Variants in PACSIN1 observed in about 807,000 individuals in gnomAD.
The protein encoded by PACSIN1 is protein kinase C and casein kinase substrate in neurons protein 1.
PACSIN1 carries 15 observed loss-of-function variants against 59.5 expected under a neutral mutation model. The ratio of observed to expected loss-of-function variants is 0.25; its 90% CI spans 0.17 to 0.39. PACSIN1 has a LOEUF of 0.39. Ranked by LOEUF, PACSIN1 falls within the 10% of genes least tolerant of loss-of-function variation. PACSIN1 has a pLI of 1.00. For synonymous variants in PACSIN1, 210 were observed against 220.6 expected (o/e 0.95, Z 0.42); for missense variants, 420 against 580.2 (o/e 0.72, Z 2.84).
At chr6:34,502,708 T>C (rs112386498) in intron 1 of PACSIN1, among the ~76,000 whole-genome samples, 1,952 of 152,052 alleles carry the variant, frequency 0.013, 36 homozygotes, top group African/African-American at 0.044. Flanking sequence ...CCTTGTGATC[T>C]GCCCACCTCG....
chr6:34,494,825 C>T (rs780986498), intron 1 of PACSIN1, among the ~76,000 whole-genome samples: 1 of 152,206 alleles, frequency 6.6e-6, no homozygotes, highest in East Asian at 1.9e-4. Context: ...TAGATCACTT[C>T]CCCAGCTATC....
At chr6:34,504,522 C>T (rs1005998411) in intron 1 of PACSIN1, among the ~76,000 whole-genome samples, 1 of 152,096 alleles carries the variant, frequency 6.6e-6, no homozygotes, top group Non-Finnish European at 1.5e-5. Flanking sequence ...AACTCCTGAC[C>T]TCAAGTGATC....
intron 1 of PACSIN1, among the ~76,000 whole-genome samples, chr6:34,492,051 G>A (rs188428458): frequency 2.6e-4 from 40 of 152,218 alleles, no homozygotes; most frequent in African/African-American, 9.2e-4. Flanking sequence ...ATGGGATTGC[G>A]GGTCAAATGG....
intron 1 of PACSIN1, among the ~76,000 whole-genome samples, chr6:34,491,536 G>A (rs1766876684): frequency 6.6e-6 from 1 of 152,124 alleles, no homozygotes; most frequent in Admixed American, 6.6e-5. Context: ...GGTCGCTGCT[G>A]GGAAGTGCCC....
chr6:34,526,774 G>A (rs1056946431), intron 2 of PACSIN1, among the ~76,000 whole-genome samples: 1 of 152,284 alleles, frequency 6.6e-6, no homozygotes, highest in South Asian at 2.1e-4. Flanking sequence ...CCACGGGGCC[G>A]CAGAGCGGGA....
At position 34,518,358 on chromosome 6, in the gene PACSIN1, C is replaced by G. The variant is rs934321462; in HGVS notation, c.-63-7885C>G. 4.6e-5 allele frequency among the ~76,000 whole-genome samples: 7 copies of G among 152,292 alleles called. No homozygotes were observed. The highest frequency in any genetic ancestry group is 1.4e-4 in the African/African-American group (6 of 41,568). ...TGGGCTCAGGACAGACAGACGGACC[C>G]CTGCAGAGTGGCCAAGTGTGTGCTG... is the stretch of plus-strand genomic sequence containing the variant. On this transcript the variant is annotated intron_variant, in intron 1 of 9. Transcript: ENST00000244458. The surrounding 1 kb of genome is among the most constrained non-coding windows in gnomAD (Gnocchi z 4.4).
Position 34,480,227 on chromosome 6 carries a change from C to CTT in PACSIN1, c.-64+13971_-64+13972dup, listed in dbSNP as rs67633521. The stretch of plus-strand genomic sequence containing the variant: ...TTCATTTTCTTTTCCTTCTTTCTTT[C>CTT]TTTTTTTTTTTTTTTGAGAAAGGAT... On this transcript the variant is annotated intron_variant, in intron 1 of 9. Transcript: ENST00000244458. Among the ~76,000 whole-genome samples, 379 of 133,600 alleles carry CTT rather than the reference C, an allele frequency of 2.8e-3. 3 individuals carry two copies. Among genetic ancestry groups the CTT allele is most frequent in the African/African-American group, 6.0e-3 (218 of 36,110 alleles). The allele number at this position is 133,600 out of a possible 152,430, so 87.6% of individuals were successfully genotyped here.
intron 1 of PACSIN1, among the ~76,000 whole-genome samples, chr6:34,513,633 C>T (rs2127265249): frequency 6.6e-6 from 1 of 152,122 alleles, no homozygotes; most frequent in South Asian, 2.1e-4. Flanking sequence ...GTCATAACTC[C>T]AAGTACCGAT....
At chr6:34,479,304 C>T (rs1766683175) in intron 1 of PACSIN1, among the ~76,000 whole-genome samples, 1 of 152,168 alleles carries the variant, frequency 6.6e-6, no homozygotes, top group Admixed American at 6.5e-5. Context: ...GACCTTTCCC[C>T]ATCACAAGCC....
chr6:34,466,305 G>A (rs567200991), intron 1 of PACSIN1, 35 bp downstream of exon 1: 139 of 152,514 alleles, frequency 9.1e-4, no homozygotes, highest in African/African-American at 3.2e-3. Flanking sequence ...AGGGCGGGGG[G>A]GTTGTGTGTG....
intron 1 of PACSIN1, among the ~76,000 whole-genome samples, chr6:34,479,297 C>A (rs532025255): frequency 6.6e-6 from 1 of 152,278 alleles, no homozygotes; most frequent in Non-Finnish European, 1.5e-5. Context: ...CCCCTCAGAC[C>A]TTTCCCCATC....
intron 1 of PACSIN1, among the ~76,000 whole-genome samples, chr6:34,519,469 G>T (rs1767350439): frequency 6.6e-6 from 1 of 152,188 alleles, no homozygotes; most frequent in South Asian, 2.1e-4. Context: ...CCAGGCCTGA[G>T]ATCTTCCTTT....
rs1327570270 is a variant in PACSIN1, at chr6:34,516,269, C to T, written c.-63-9974C>T. Among the ~76,000 whole-genome samples, 1 of 152,142 alleles carries T rather than the reference C, an allele frequency of 6.6e-6. No individual in the cohort carries two copies. Among genetic ancestry groups the T allele is most frequent in the Non-Finnish European group, 1.5e-5 (1 of 68,002 alleles). On this transcript the variant is annotated intron_variant, in intron 1 of 9. Coordinates refer to ENST00000244458, the MANE Select transcript of PACSIN1 (RefSeq NM_020804.5). The surrounding 1 kb of genome is among the most constrained non-coding windows in gnomAD (Gnocchi z 5.4). ...CACATGATGGGTAGGGGCATACACGCTGAGAAGCTGGCGTGGCTCTGCTCA... is the reference window on the plus strand; with the variant it reads ...CACATGATGGGTAGGGGCATACACGTTGAGAAGCTGGCGTGGCTCTGCTCA...
In PACSIN1 at chr6:34,532,033, G is replaced by T. The variant is rs531730873; in HGVS notation, c.1225+246G>T. Among the ~76,000 whole-genome samples, 20 of 152,252 alleles carry T rather than the reference G, an allele frequency of 1.3e-4. No individual in the cohort carries two copies. The East Asian group carries it at 3.7e-3, about 28-fold the overall frequency. Reference sequence around the variant, plus strand: ...GGGTAGAGGCAGGATCTGAAGACGGGTTGCGAGGATTTGCAGGGAACTAAA... The same window carrying T: ...GGGTAGAGGCAGGATCTGAAGACGGTTTGCGAGGATTTGCAGGGAACTAAA... On this transcript the variant is annotated intron_variant, in intron 9 of 9. Coordinates refer to ENST00000244458, the MANE Select transcript of PACSIN1 (RefSeq NM_020804.5). This position sits in a 1 kb window ranked among gnomAD's most constrained non-coding sequence, Gnocchi z 5.2.
Position 34,531,711 on chromosome 6 carries a change from C to T in PACSIN1, c.1149C>T (p.Asp383=), listed in dbSNP as rs774883430. Residue 383 remains aspartate, a synonymous_variant, in exon 9 of 10, where the codon GAC becomes GAT. Transcript: ENST00000244458. This position sits in a 1 kb window ranked among gnomAD's most constrained non-coding sequence, Gnocchi z 4.4. ...ACGGGGGCGCCAACCCCTTTGAGGA[C>T]GACTCCAAGGGAGTGCGCGTGCGGG... ...ETNGGANPFE[D]DSKGVRVRAL... is the part of the protein sequence containing the mutation. The T allele has an allele frequency of 2.5e-6, 4 of 1,612,624 alleles. No homozygotes were observed. The highest frequency in any genetic ancestry group is 3.4e-6 in the Non-Finnish European group (4 of 1,179,458).
At chr6:34,528,056 A>G (rs1243346657) in intron 3 of PACSIN1, among the ~76,000 whole-genome samples, 1 of 152,214 alleles carries the variant, frequency 6.6e-6, no homozygotes, top group Non-Finnish European at 1.5e-5. Flanking sequence ...GGTTCCTTTA[A>G]TCTAGAACAG....
rs1458954185 is a variant in PACSIN1, at chr6:34,527,458, G to T, written c.190G>T (p.Ala64Ser). 1 of 1,595,494 alleles carries T rather than the reference G, an allele frequency of 6.3e-7. No homozygotes were observed. Among genetic ancestry groups the T allele is most frequent in the Non-Finnish European group, 8.5e-7 (1 of 1,172,598 alleles). The change falls in exon 3 of 10, where the codon GCC becomes TCC. Residue 64 changes from alanine to serine, a missense_variant. Transcript: ENST00000244458. Reference protein sequence around the residue: ...KAYGQQLTDWAKRWRQLIEKG... With the variant: ...KAYGQQLTDWSKRWRQLIEKG... ...GTACGGGCAGCAGCTCACCGACTGG[G>T]CCAAGCGTTGGCGCCAGCTCATCGA...
chr6:34,507,611 A>T (rs1157889737), intron 1 of PACSIN1, among the ~76,000 whole-genome samples: 3 of 152,068 alleles, frequency 2.0e-5, no homozygotes, highest in Admixed American at 6.5e-5. Context: ...TAAATGTACA[A>T]TATTAACTAC....
Position 34,529,641 on chromosome 6 carries a change from C to T in PACSIN1, c.613-25C>T, listed in dbSNP as rs1561971666. ...AGCTGCAGGCCTGGCTAGGTGTCAC[C>T]CTCTCTCCACTCTGGTGCCCACAGA... is the stretch of plus-strand genomic sequence containing the variant. On this transcript the variant is annotated intron_variant, in intron 5 of 9. Transcript: ENST00000244458. This position sits in a 1 kb window ranked among gnomAD's most constrained non-coding sequence, Gnocchi z 6.3. 1.9e-6 allele frequency: 3 copies of T among 1,612,922 alleles called. No individual in the cohort carries two copies. Among genetic ancestry groups the T allele is most frequent in the Admixed American group, 1.7e-5 (1 of 59,972 alleles).
Sources: gnomAD v4.1 joint callset for allele counts (sites outside exome capture counted in the v4.1 genomes callset) on GRCh38, gnomAD v4.1.1 for gene constraint, Gnocchi (gnomAD v3.1) non-coding constraint, MANE v1.5 for transcripts, NCBI Gene and HGNC (gene_info 2026-07-23, HGNC 2026-07-21) for gene names.